The following TMEM63C variants were observed in gnomAD, a reference collection of about 807,000 sequenced individuals.
TMEM63C encodes the protein osmosensitive cation channel TMEM63C.
A neutral mutation model predicts 99.2 loss-of-function variants in TMEM63C; 32 were observed. The ratio of observed to expected loss-of-function variants is 0.32; its 90% confidence interval spans 0.24 to 0.43. The LOEUF (loss-of-function observed/expected upper bound fraction) is 0.43, where lower values mean the gene tolerates loss of function less well. Among genes scored for constraint, TMEM63C ranks in the 20% least tolerant of loss-of-function variants. TMEM63C has a pLI of 1.00. For missense variants in TMEM63C, 826 were observed against 1,053.0 expected (o/e 0.78, Z 2.98); for synonymous variants, 376 against 397.9 (o/e 0.94, Z 0.66).
chr14:77,239,693 G>A lies in TMEM63C; in HGVS notation c.897G>A (p.Leu299=), dbSNP rs1269443333. ...TCAGGATCCACCCCTGTGCCCGCCT[G>A]TGCTTCTGCAAGTGCTGGACCTGCT... ...VMIRIHPCAR[L]CFCKCWTCFK... Residue 299 remains leucine (L), a synonymous_variant, in exon 12 of 24, where the codon CTG becomes CTA. Transcript: ENST00000298351. 2 of 1,613,188 alleles carry A rather than the reference G, an allele frequency of 1.2e-6. No homozygotes were observed. The highest frequency in any genetic ancestry group is 1.7e-5 in the Admixed American group (1 of 59,936).
chr14:77,191,525 C>CTT (rs1888106433), intron 1 of TMEM63C, among the ~76,000 whole-genome samples: 1 of 112,932 alleles, frequency 8.9e-6, no homozygotes, highest in African/African-American at 3.2e-5. Context: ...TCTTTCTTTT[C>CTT]TTTTTTCTTT....
At chr14:77,256,487 C>A (rs776602430) in intron 23 of TMEM63C, 39 bp from the exon 24 acceptor site, 62 of 1,606,286 alleles carry the variant, frequency 3.9e-5, no homozygotes, top group Admixed American at 8.3e-5. Flanking sequence ...TTGCCCCCAA[C>A]GTGACCTTGC....
At chr14:77,234,447 A>AC (rs1278955975) in intron 8 of TMEM63C, among the ~76,000 whole-genome samples, 1 of 152,150 alleles carries the variant, frequency 6.6e-6, no homozygotes, top group Non-Finnish European at 1.5e-5. Flanking sequence ...CGAGGTACCT[A>AC]CATCTTCCCA....
At chr14:77,194,497 CTT>C (rs56136475) in intron 1 of TMEM63C, among the ~76,000 whole-genome samples, 8 of 114,682 alleles carry the variant, frequency 7.0e-5, no homozygotes, top group African/African-American at 1.6e-4. Flanking sequence ...TTTCTTTTTT[CTT>C]TCTTTCTTTC....
intron 15 of TMEM63C, among the ~76,000 whole-genome samples, chr14:77,243,804 GCA>G (rs149772487): frequency 5.9e-5 from 9 of 152,070 alleles, no homozygotes; most frequent in East Asian, 3.9e-4. Flanking sequence ...ACACACGCAT[GCA>G]CACACACGCA....
intron 16 of TMEM63C, 133 bp from the exon 17 acceptor site, chr14:77,245,807 C>T (rs910145703): frequency 5.2e-5 from 36 of 693,970 alleles, no homozygotes; most frequent in Non-Finnish European, 8.9e-5. Context: ...ATTATGAGAG[C>T]TACAAGATGA....
In TMEM63C at chr14:77,231,676, T is replaced by C. The variant is rs1299848703; in HGVS notation, c.439T>C (p.Cys147Arg). ...YHLIIFVLII[C>R]IPSLGIILPI... Reference sequence around the variant, plus strand: ...CCTCATCATCTTTGTGCTCATCATCTGTATCCCCTCCCTGGGCATCATTTT... The same window carrying C: ...CCTCATCATCTTTGTGCTCATCATCCGTATCCCCTCCCTGGGCATCATTTT... Residue 147 changes from cysteine (C) to arginine (R), a missense_variant, in exon 7 of 24, where the codon TGT becomes CGT. By Grantham distance (180) the Cys-to-Arg change is radical (BLOSUM62 -3). Coordinates refer to ENST00000298351, the MANE Select transcript of TMEM63C (RefSeq NM_020431.4). 1 of 1,551,596 alleles carries C rather than the reference T, an allele frequency of 6.4e-7. No homozygotes were observed. The highest frequency in any genetic ancestry group is 8.7e-7 in the Non-Finnish European group (1 of 1,147,002).
chr14:77,202,347 C>T, intron 1 of TMEM63C, among the ~76,000 whole-genome samples: 1 of 151,836 alleles, frequency 6.6e-6, no homozygotes, highest in East Asian at 1.9e-4. Flanking sequence ...AACACACAAG[C>T]ACCAATGCAT....
At chr14:77,251,282 C>T (rs1889354259) in intron 21 of TMEM63C, among the ~76,000 whole-genome samples, 1 of 152,180 alleles carries the variant, frequency 6.6e-6, no homozygotes, top group Non-Finnish European at 1.5e-5. Flanking sequence ...ATAATTTAAA[C>T]AACATTTACC....
rs61993372 is a variant in TMEM63C at position 77,258,566 on chromosome 14, C to T, written c.*1840C>T. The T allele has an allele frequency of 6.6e-6, 1 of 152,364 alleles. No homozygotes were observed. The highest frequency in any genetic ancestry group is 1.5e-5 in the Non-Finnish European group (1 of 68,140). 9.4% of individuals were successfully genotyped at this position (152,364 alleles called of 1,614,324 possible). Reference sequence around the variant, plus strand: ...TAGCCTGGCCCCTACACACCCAGGTCCCACAGGCCCCCTCCCCACTGGAAT... The same window carrying T: ...TAGCCTGGCCCCTACACACCCAGGTTCCACAGGCCCCCTCCCCACTGGAAT... On this transcript the variant is annotated 3_prime_UTR_variant, in exon 24 of 24. Transcript: ENST00000298351.
chr14:77,239,570 G>T (rs776806503), intron 11 of TMEM63C, 33 bp from the exon 12 acceptor site: 1 of 1,612,842 alleles, frequency 6.2e-7, no homozygotes, highest in African/African-American at 1.3e-5. Context: ...CCCCTGACCT[G>T]CAGGTCCTTC....
chr14:77,219,606 T>A (rs1194377035), intron 4 of TMEM63C, 29 bp downstream of exon 4: 1 of 1,611,708 alleles, frequency 6.2e-7, no homozygotes, highest in Admixed American at 1.7e-5. Context: ...GGGTGAGCCG[T>A]TGCCCCCTTG....
intron 14 of TMEM63C, 139 bp downstream of exon 14, chr14:77,242,608 C>A: frequency 8.1e-7 from 1 of 1,234,954 alleles, no homozygotes; most frequent in Admixed American, 2.1e-5. Context: ...CTAAGCACCA[C>A]AACCTGTGTG....
At chr14:77,219,644 G>A (rs1214010968) in intron 4 of TMEM63C, 67 bp downstream of exon 4, 17 of 1,533,674 alleles carry the variant, frequency 1.1e-5, no homozygotes, top group South Asian at 6.7e-5. Context: ...TGGCCAGGAC[G>A]CAGCTCTGCC....
chr14:77,225,399 C>T, intron 5 of TMEM63C, 25 bp from the exon 6 acceptor site: 1 of 1,611,824 alleles, frequency 6.2e-7, no homozygotes. Context: ...TGGGTTTTCT[C>T]ACAGTTTCTC....
intron 1 of TMEM63C, among the ~76,000 whole-genome samples, chr14:77,183,499 C>T (rs544910577): frequency 3.6e-4 from 55 of 152,306 alleles, no homozygotes; most frequent in African/African-American, 1.3e-3. Flanking sequence ...GTGGGCCTAT[C>T]GGAGCCAAAA....
intron 5 of TMEM63C, among the ~76,000 whole-genome samples, chr14:77,224,098 G>A (rs2140113279): frequency 6.6e-6 from 1 of 152,112 alleles, no homozygotes. Flanking sequence ...GGCATAGCTG[G>A]AGGAATGTCC....
At chr14:77,252,789 G>A (rs564593098) in intron 22 of TMEM63C, among the ~76,000 whole-genome samples, 54 of 152,282 alleles carry the variant, frequency 3.5e-4, no homozygotes, top group African/African-American at 1.0e-3. Context: ...TGCCCTCTCC[G>A]CCCAGCCTTC....
intron 13 of TMEM63C, 43 bp from the exon 14 acceptor site, chr14:77,242,304 C>A (rs756856651): frequency 1.3e-6 from 2 of 1,590,440 alleles, no homozygotes; most frequent in South Asian, 2.2e-5. Context: ...CCCATCCCCC[C>A]ACCCCCAGAC....
Sources: allele counts gnomAD v4.1 joint callset (sites outside exome capture counted in the v4.1 genomes callset), GRCh38; gene constraint gnomAD v4.1.1; transcripts MANE v1.5; gene names NCBI Gene and HGNC (gene_info 2026-07-23, HGNC 2026-07-21).